The following EPM2A variants were observed in gnomAD, a reference collection of about 807,000 sequenced individuals.
The protein encoded by EPM2A is EPM2A glucan phosphatase, laforin, also known as laforin.
Under a neutral mutation model 26.5 loss-of-function variants are expected in EPM2A, and 21 were observed. That is an observed-to-expected ratio of 0.79 (90% confidence interval 0.56 to 1.14). EPM2A has a LOEUF of 1.14. Among genes scored for constraint, EPM2A ranks in the 50% most tolerant of loss-of-function variants. EPM2A has a pLI of 0.00. For synonymous variants in EPM2A, 217 were observed against 177.6 expected, an observed-to-expected ratio of 1.22 and a Z score of -1.76; for missense variants, 458 against 440.8, an observed-to-expected ratio of 1.04 and a Z score of -0.35.
chr6:145,521,992 GC>G (rs1324549125), intron 2 of EPM2A, among the ~76,000 whole-genome samples: 1 of 152,094 alleles, frequency 6.6e-6, no homozygotes, highest in Non-Finnish European at 1.5e-5. Flanking sequence ...TCCCTCTGTC[GC>G]CCAGGCTGGA....
chr6:145,667,868 C>T (rs986402745), intron 2 of EPM2A, among the ~76,000 whole-genome samples: 7 of 150,390 alleles, frequency 4.7e-5, no homozygotes, highest in East Asian at 2.0e-4. Flanking sequence ...TTTGTAGGGA[C>T]GTGGATGAAA....
intron 2 of EPM2A, among the ~76,000 whole-genome samples, chr6:145,664,569 C>G (rs1203563006): frequency 6.7e-6 from 1 of 149,682 alleles, no homozygotes; most frequent in Non-Finnish European, 1.5e-5. Context: ...TAATGGGAGA[C>G]TTTAACACCC....
At chr6:145,552,741 T>C (rs1582846931) in intron 2 of EPM2A, among the ~76,000 whole-genome samples, 1 of 152,064 alleles carries the variant, frequency 6.6e-6, no homozygotes, top group Non-Finnish European at 1.5e-5. Context: ...AAAGCTAAAA[T>C]ACTTCCTACT....
rs77185474 is a variant in EPM2A at position 145,658,053 on chromosome 6, A to G, written c.477-22567T>C. Among the ~76,000 whole-genome samples the G allele has an allele frequency of 1.9e-3, 292 of 152,246 alleles. 1 individual carries two copies. The highest frequency in any genetic ancestry group is 6.9e-3 in the African/African-American group (285 of 41,526). ...CTATGTGTACCTTTATGTGCACTCT[A>G]TATTTACTATTTTAATGTTCCCCCT... On this transcript the variant is annotated intron_variant, in intron 2 of 3. Transcript: ENST00000367519.
rs1321996060 is a variant in EPM2A, at chr6:145,626,576, C to CACT, written c.*837_*839dup. 2.2e-5 allele frequency: 22 copies of CACT among 985,316 alleles called. No homozygotes were observed. Among genetic ancestry groups the CACT allele is most frequent in the Non-Finnish European group, 2.4e-5 (20 of 829,874 alleles). 61.0% of individuals were successfully genotyped at this position (985,316 alleles called of 1,614,324 possible). On this transcript the variant is annotated 3_prime_UTR_variant, in exon 4 of 4. Transcript: ENST00000367519. ...ACCCTGAGAAAGACAAAACTAAATG[C>CACT]ACTACATGATGCTGGGAAAACAAGT...
intron 2 of EPM2A, among the ~76,000 whole-genome samples, chr6:145,515,094 C>T (rs1336491896): frequency 6.6e-6 from 1 of 152,188 alleles, no homozygotes; most frequent in Non-Finnish European, 1.5e-5. Flanking sequence ...AATGATGGAT[C>T]TTGCAGTATA....
chr6:145,559,815 C>G (rs1345798772), intron 2 of EPM2A, among the ~76,000 whole-genome samples: 1 of 151,838 alleles, frequency 6.6e-6, no homozygotes, highest in Non-Finnish European at 1.5e-5. Context: ...ATTTCCCCAA[C>G]AATTATAGTA....
At chr6:145,545,763 C>T (rs1345311517) in intron 2 of EPM2A, among the ~76,000 whole-genome samples, 1 of 152,112 alleles carries the variant, frequency 6.6e-6, no homozygotes, top group Non-Finnish European at 1.5e-5. Context: ...TCTTTCTCCT[C>T]TACTTCCCAG....
chr6:145,623,228 C>T (rs1489343941), downstream of EPM2A, among the ~76,000 whole-genome samples: 3 of 152,096 alleles, frequency 2.0e-5, no homozygotes, highest in East Asian at 5.8e-4. Flanking sequence ...GCAGTGACAG[C>T]ATATAGAAAA....
At chr6:145,467,079 C>T (rs1779408149) in intron 4 of EPM2A, among the ~76,000 whole-genome samples, 1 of 152,032 alleles carries the variant, frequency 6.6e-6, no homozygotes, top group Non-Finnish European at 1.5e-5. Context: ...ACCAGCATGG[C>T]ACATGTATGC....
intron 4 of EPM2A, among the ~76,000 whole-genome samples, chr6:145,481,433 AT>A (rs1451109705): frequency 1.3e-5 from 2 of 152,118 alleles, no homozygotes; most frequent in African/African-American, 4.8e-5. Context: ...GATAAAATAG[AT>A]TGTTGCTTCA....
chr6:145,594,033 G>T (rs1459343121), intron 2 of EPM2A, among the ~76,000 whole-genome samples: 3 of 151,694 alleles, frequency 2.0e-5, no homozygotes, highest in Non-Finnish European at 4.4e-5. Context: ...TAGAGAGAGA[G>T]TGAAAAAGAG....
chr6:145,588,680 G>T (rs1410672499), intron 2 of EPM2A, among the ~76,000 whole-genome samples: 1 of 152,116 alleles, frequency 6.6e-6, no homozygotes. Flanking sequence ...CTATTTTTGA[G>T]CACTTACTAC....
At chr6:145,437,228 C>T (rs571281881) in intron 4 of EPM2A, among the ~76,000 whole-genome samples, 1 of 152,210 alleles carries the variant, frequency 6.6e-6, no homozygotes, top group South Asian at 2.1e-4. Context: ...CACCGCCCCC[C>T]TCCTGCCTCC....
At position 145,735,297 on chromosome 6, in the gene EPM2A, C is replaced by G. The variant is rs1429822328; in HGVS notation, c.202G>C (p.Ala68Pro). The change falls in exon 1 of 4, where the codon GCC becomes CCC. Residue 68 changes from alanine to proline, a missense_variant. Transcript: ENST00000367519. ...GCCCCGTCCTGCGCCGCCTCCTCGG[C>G]CGCCAGCTCCACCTCCCCGAGCCAC... Reference protein sequence around the residue: ...GLWLGEVELAAEEAAQDGAEP... With the variant: ...GLWLGEVELAPEEAAQDGAEP... 2 of 1,478,672 alleles carry G rather than the reference C, an allele frequency of 1.4e-6. No individual in the cohort carries two copies. The highest frequency in any genetic ancestry group is 1.8e-6 in the Non-Finnish European group (2 of 1,113,062). The allele number at this position is 1,478,672 out of a possible 1,614,324, so 91.6% of individuals were successfully genotyped here.
chr6:145,507,536 A>C (rs1400159869), intron 2 of EPM2A, among the ~76,000 whole-genome samples: 2 of 152,172 alleles, frequency 1.3e-5, no homozygotes, highest in East Asian at 3.9e-4. Flanking sequence ...AGAGATAGAG[A>C]GATGGAGACA....
intron 1 of EPM2A, among the ~76,000 whole-genome samples, chr6:145,703,392 T>C (rs1294440256): frequency 6.6e-6 from 1 of 152,078 alleles, no homozygotes; most frequent in Non-Finnish European, 1.5e-5. Flanking sequence ...CATGTGACCT[T>C]AGATATTCTT....
At chr6:145,476,914 A>C (rs1158798043) in intron 4 of EPM2A, among the ~76,000 whole-genome samples, 1 of 151,886 alleles carries the variant, frequency 6.6e-6, no homozygotes, top group East Asian at 1.9e-4. Flanking sequence ...AGCAAACCAA[A>C]CCCAACATTA....
intron 2 of EPM2A, among the ~76,000 whole-genome samples, chr6:145,551,065 C>T (rs1388801871): frequency 2.6e-5 from 4 of 151,992 alleles, no homozygotes; most frequent in Non-Finnish European, 5.9e-5. Context: ...GACTTCATAC[C>T]TTCAAGTCAA....
Sources: gnomAD v4.1 joint callset for allele counts (sites outside exome capture counted in the v4.1 genomes callset) on GRCh38, gnomAD v4.1.1 for gene constraint, MANE v1.5 for transcripts, NCBI Gene and HGNC (gene_info 2026-07-23, HGNC 2026-07-21) for gene names.